SLC6A5: variants seen among roughly 807,000 people sequenced by gnomAD.
SLC6A5 encodes solute carrier family 6 member 5, also known as sodium- and chloride-dependent glycine transporter 2.
Under a neutral mutation model 90.5 loss-of-function variants are expected in SLC6A5, and 58 were observed. The observed-to-expected ratio is 0.64, with a 90% CI of 0.52 to 0.80. SLC6A5 has a LOEUF of 0.80. Ranked by LOEUF, SLC6A5 falls within the 30% of genes least tolerant of loss-of-function variation. The pLI, the probability that SLC6A5 is intolerant of heterozygous loss-of-function variation, is 0.00. For missense variants in SLC6A5, 1,015 were observed against 1,017.6 expected (o/e 1.00, Z 0.03); for synonymous variants, 427 against 401.4 (o/e 1.06, Z -0.76).
rs193235315 is a variant in SLC6A5 at position 20,611,671 on chromosome 11, G to T, written c.986-3008G>T. 3.0e-3 allele frequency among the ~76,000 whole-genome samples: 460 copies of T among 151,738 alleles called. 3 individuals carry two copies. Among genetic ancestry groups the T allele is most frequent in the Non-Finnish European group, 5.3e-3 (363 of 67,962 alleles). On this transcript the variant is annotated intron_variant, in intron 5 of 15. Coordinates refer to ENST00000525748, the MANE Select transcript of SLC6A5 (RefSeq NM_004211.5). ...ATTAAACCTCTTTCTCTGCTGCAAC[G>T]CAGGAAACTCTATTTGCTTCCTGCG... is the stretch of plus-strand genomic sequence containing the variant.
chr11:20,602,608 G>A (rs1361208734), intron 2 of SLC6A5, among the ~76,000 whole-genome samples: 1 of 152,082 alleles, frequency 6.6e-6, no homozygotes, highest in Non-Finnish European at 1.5e-5. Flanking sequence ...CATATATCCA[G>A]CAGTGGGGCC....
chr11:20,626,249 A>G (rs889295327), intron 7 of SLC6A5, among the ~76,000 whole-genome samples: 7 of 152,338 alleles, frequency 4.6e-5, no homozygotes, highest in South Asian at 2.1e-4. Context: ...TCTAATTCTA[A>G]TATCATGTTC....
At chr11:20,629,012 A>T (rs1210101162) in intron 9 of SLC6A5, among the ~76,000 whole-genome samples, 1 of 152,162 alleles carries the variant, frequency 6.6e-6, no homozygotes, top group Non-Finnish European at 1.5e-5. Context: ...AGATAGACTC[A>T]TTGCTGCCAT....
intron 7 of SLC6A5, among the ~76,000 whole-genome samples, chr11:20,618,945 GACACACACACACACACAC>G (rs68111718): frequency 4.7e-5 from 7 of 148,766 alleles, no homozygotes; most frequent in South Asian, 2.1e-4. Context: ...TGTCCCGCCC[GACACACACACACACACAC>G]ACACACACAC....
At chr11:20,628,860 C>T (rs1287070079) in intron 9 of SLC6A5, among the ~76,000 whole-genome samples, 1 of 152,152 alleles carries the variant, frequency 6.6e-6, no homozygotes, top group Non-Finnish European at 1.5e-5. Flanking sequence ...TTAATTAGTC[C>T]ATTACCTTTC....
At position 20,636,360 on chromosome 11, in the gene SLC6A5, T is replaced by C; in HGVS notation, c.1678T>C (p.Ser560Pro). 6.2e-7 allele frequency: 1 copy of C among 1,614,092 alleles called. No individual in the cohort carries two copies. The highest frequency in any genetic ancestry group is 8.5e-7 in the Non-Finnish European group (1 of 1,179,948). The change falls in exon 11 of 16, where the codon TCT becomes CCT. Residue 560 changes from serine to proline, a missense_variant. This residue lies in a region of SLC6A5 where 442 missense variants were observed against 494.3 expected (regional missense o/e 0.89). Coordinates refer to ENST00000525748, the MANE Select transcript of SLC6A5 (RefSeq NM_004211.5). ...GGAAGCCTTAACCAGGCTGCCTCTC[T>C]CTCCGTTCTGGGCCATCATCTTTTT... Reference protein sequence around the residue: ...YPEALTRLPLSPFWAIIFFLM... With the variant: ...YPEALTRLPLPPFWAIIFFLM...
chr11:20,617,703 C>T (rs2133788086), intron 6 of SLC6A5, 49 bp from the exon 7 acceptor site: 3 of 1,571,276 alleles, frequency 1.9e-6, no homozygotes, highest in South Asian at 2.2e-5. Context: ...TGTCACCTCC[C>T]TCTCTCCTTC....
intron 13 of SLC6A5, among the ~76,000 whole-genome samples, chr11:20,643,637 C>T (rs192509738): frequency 6.6e-6 from 1 of 152,338 alleles, no homozygotes; most frequent in East Asian, 1.9e-4. Context: ...CCTTAACTCC[C>T]AGTCCAGTGC....
At chr11:20,608,496 G>A (rs1300656343) in intron 5 of SLC6A5, among the ~76,000 whole-genome samples, 1 of 152,192 alleles carries the variant, frequency 6.6e-6, no homozygotes, top group Non-Finnish European at 1.5e-5. Context: ...AAATAAAAAT[G>A]TTCTTCCTCT....
intron 7 of SLC6A5, among the ~76,000 whole-genome samples, chr11:20,618,498 G>T (rs1258425420): frequency 6.6e-6 from 1 of 152,204 alleles, no homozygotes; most frequent in Non-Finnish European, 1.5e-5. Context: ...GTGATCGCAT[G>T]GCTGGGCCCT....
chr11:20,647,102 G>A (rs1354763433), intron 14 of SLC6A5, among the ~76,000 whole-genome samples, 168 bp downstream of exon 14: 1 of 151,690 alleles, frequency 6.6e-6, no homozygotes, highest in Non-Finnish European at 1.5e-5. Context: ...AGTTCAGAGA[G>A]TTGAAAAGAC....
At chr11:20,635,158 G>T (rs1455650373) in intron 10 of SLC6A5, among the ~76,000 whole-genome samples, 1 of 152,106 alleles carries the variant, frequency 6.6e-6, no homozygotes, top group African/African-American at 2.4e-5. Context: ...TATTCTGTGG[G>T]TGTTGATGAT....
rs1382857288 is a variant in SLC6A5 at position 20,601,279 on chromosome 11, C to T, written c.154C>T (p.Pro52Ser). The T allele has an allele frequency of 6.3e-7, 1 of 1,588,066 alleles. No homozygotes were observed. Among genetic ancestry groups the T allele is most frequent in the African/African-American group, 1.3e-5 (1 of 74,818 alleles). ...TGCCGCCCCGCCGCCGCCACGTGTG[C>T]CCAGGTCCGCTTCCACCGGCGCCCA... ...AAAAPPPPRV[P>S]RSASTGAQTF... The change falls in exon 2 of 16, where the codon CCC (proline) becomes TCC (serine). Residue 52 changes from proline (P) to serine (S), a missense_variant. Transcript: ENST00000525748.
chr11:20,642,287 G>T (rs1305035676), intron 13 of SLC6A5, among the ~76,000 whole-genome samples: 1 of 151,544 alleles, frequency 6.6e-6, no homozygotes, highest in Non-Finnish European at 1.5e-5. Flanking sequence ...CAAGGGCACA[G>T]GTGTGGTTTA....
intron 15 of SLC6A5, 135 bp downstream of exon 15, chr11:20,652,591 C>G: frequency 1.1e-6 from 1 of 922,050 alleles, no homozygotes; most frequent in Non-Finnish European, 1.8e-6. Context: ...ACAGTTGCCA[C>G]CGTTTCTGTT....
chr11:20,631,374 G>A (rs565966036), intron 10 of SLC6A5, among the ~76,000 whole-genome samples: 3 of 152,284 alleles, frequency 2.0e-5, no homozygotes, highest in Non-Finnish European at 4.4e-5. Context: ...ATGTTGGATC[G>A]TGCTGGGTGG....
intron 5 of SLC6A5, among the ~76,000 whole-genome samples, 164 bp downstream of exon 5, chr11:20,607,816 A>C (rs1042402499): frequency 2.0e-5 from 3 of 152,188 alleles, no homozygotes; most frequent in South Asian, 2.1e-4. Flanking sequence ...ATAAAACTTA[A>C]GGAGCTCCTG....
intron 10 of SLC6A5, among the ~76,000 whole-genome samples, chr11:20,635,938 T>C (rs1314461023): frequency 6.6e-6 from 1 of 152,148 alleles, no homozygotes; most frequent in Non-Finnish European, 1.5e-5. Flanking sequence ...GCTGGTTGAG[T>C]ACTACTGCTG....
intron 13 of SLC6A5, among the ~76,000 whole-genome samples, chr11:20,639,398 C>G (rs1407868253): frequency 6.6e-6 from 1 of 152,100 alleles, no homozygotes; most frequent in African/African-American, 2.4e-5. Flanking sequence ...TTCAGACTAT[C>G]TAATTGCACT....
Sources: gnomAD v4.1 joint callset for allele counts (sites outside exome capture counted in the v4.1 genomes callset) on GRCh38, gnomAD v4.1.1 for gene constraint, gnomAD v4.1.1 regional missense constraint, MANE v1.5 for transcripts, NCBI Gene and HGNC (gene_info 2026-07-23, HGNC 2026-07-21) for gene names.